EYS: variants seen among roughly 807,000 people sequenced by gnomAD.
EYS encodes the protein protein eyes shut homolog.
EYS carries 250 observed loss-of-function variants against 282.1 expected under a neutral mutation model. The ratio of observed to expected loss-of-function variants is 0.89; its 90% CI spans 0.80 to 0.98. EYS has a LOEUF of 0.98. EYS is among the 50% of genes least tolerant of loss of function. The pLI is 0.00. For missense variants in EYS, 4,016 were observed against 3,709.0 expected (o/e 1.08, Z -2.15); for synonymous variants, 1,355 against 1,282.9 (o/e 1.06, Z -1.20).
At chr6:64,152,917 C>A (rs1774790312) in intron 31 of EYS, among the ~76,000 whole-genome samples, 1 of 152,052 alleles carries the variant, frequency 6.6e-6, no homozygotes, top group Admixed American at 6.6e-5. Flanking sequence ...GGAGATGAGG[C>A]AAAAACAGTG....
rs185728940 is a variant in EYS at position 64,924,884 on chromosome 6, T to C, written c.2382-12141A>G. ...GCCATTCAACAAGACTCTAGGAAGT[T>C]CAAAACGTTCCCACATTTTCCTGTC... is the stretch of plus-strand genomic sequence containing the variant. On this transcript the variant is annotated intron_variant, in intron 15 of 42. Transcript: ENST00000503581. 1.3e-3 allele frequency among the ~76,000 whole-genome samples: 196 copies of C among 152,280 alleles called. 2 individuals are homozygous for C. Among genetic ancestry groups the C allele is most frequent in the African/African-American group, 4.5e-3 (189 of 41,564 alleles).
chr6:64,324,876 G>GA (rs1285506611), intron 29 of EYS, among the ~76,000 whole-genome samples: 1 of 152,008 alleles, frequency 6.6e-6, no homozygotes, highest in Non-Finnish European at 1.5e-5. Context: ...TAACCACAAA[G>GA]AAAATGAAAT....
intron 2 of EYS, among the ~76,000 whole-genome samples, chr6:65,511,984 C>CAAAA (rs11368301): frequency 1.1e-5 from 1 of 94,828 alleles, no homozygotes. Flanking sequence ...AACTCTGTCT[C>CAAAA]AAAAAAAAAA....
chr6:64,302,758 T>G (rs2150373465), intron 30 of EYS, among the ~76,000 whole-genome samples: 1 of 152,212 alleles, frequency 6.6e-6, no homozygotes, highest in Admixed American at 6.5e-5. Context: ...TTTTTAAAAT[T>G]TAGATAAATT....
intron 2 of EYS, among the ~76,000 whole-genome samples, chr6:65,535,530 G>A (rs911234343): frequency 6.6e-6 from 1 of 152,140 alleles, no homozygotes; most frequent in Non-Finnish European, 1.5e-5. Flanking sequence ...ATGTGGAAGT[G>A]TGAGTCCTTT....
chr6:65,097,985 TTAAC>T (rs572024197), intron 12 of EYS, among the ~76,000 whole-genome samples: 50 of 150,904 alleles, frequency 3.3e-4, no homozygotes, highest in African/African-American at 1.2e-3. Context: ...CTGTGTGATG[TTAAC>T]TAACACAAGC....
chr6:65,016,421 G>A (rs927019451), intron 13 of EYS, among the ~76,000 whole-genome samples: 1 of 152,170 alleles, frequency 6.6e-6, no homozygotes, highest in Non-Finnish European at 1.5e-5. Context: ...CTTCATATGA[G>A]TCTAGTAGCT....
intron 36 of EYS, among the ~76,000 whole-genome samples, chr6:63,838,466 A>G (rs1422933740): frequency 1.3e-5 from 2 of 152,144 alleles, no homozygotes; most frequent in Admixed American, 6.6e-5. Context: ...TTCTCCAGAG[A>G]CAGTCGGCAT....
chr6:64,193,250 A>G (rs1200007561), intron 31 of EYS, among the ~76,000 whole-genome samples: 7 of 152,148 alleles, frequency 4.6e-5, no homozygotes, highest in Non-Finnish European at 1.5e-5. Context: ...TTCCAATTCA[A>G]TAACTTGACT....
intron 29 of EYS, among the ~76,000 whole-genome samples, chr6:64,340,132 G>A (rs1006722785): frequency 1.3e-5 from 2 of 150,984 alleles, no homozygotes; most frequent in African/African-American, 4.9e-5. Context: ...CAGCCCTGTA[G>A]AAGTATATGA....
intron 12 of EYS, among the ~76,000 whole-genome samples, chr6:65,216,495 AG>A (rs1369550927): frequency 6.6e-6 from 1 of 151,972 alleles, no homozygotes; most frequent in East Asian, 1.9e-4. Flanking sequence ...ATAAGGTAAA[AG>A]TAAATAATAT....
rs1009814853 is a variant in EYS at position 65,334,955 on chromosome 6, A to G, written c.1766+25T>C. ...TTATAACTTTTTGATATGTGATATT[A>G]TCTGCTCAAATGATACATAAATACC... On this transcript the variant is annotated intron_variant, in intron 11 of 42. Transcript: ENST00000503581. 4 of 1,591,208 alleles carry G rather than the reference A, an allele frequency of 2.5e-6. No homozygotes were observed. The African/African-American group carries it at 5.4e-5, about 21-fold the overall frequency.
intron 35 of EYS, among the ~76,000 whole-genome samples, chr6:63,953,491 A>C (rs1366142061): frequency 1.3e-5 from 2 of 152,124 alleles, no homozygotes; most frequent in Non-Finnish European, 2.9e-5. Flanking sequence ...ATTCTTCATA[A>C]AAACAAATGT....
rs1048051070 is a variant in EYS at position 64,301,554 on chromosome 6, T to C, written c.6191+5416A>G. 3.3e-5 allele frequency among the ~76,000 whole-genome samples: 5 copies of C among 152,226 alleles called. No homozygotes were observed. In the South Asian group the frequency reaches 1.0e-3, roughly 32 times the overall value. On this transcript the variant is annotated intron_variant, in intron 30 of 42. Transcript: ENST00000503581. The stretch of plus-strand genomic sequence containing the variant: ...TTTCCCTATAATCAGTAAAGTCATA[T>C]ATTCAGGCTTCAGACAATGCAATCA...
At chr6:65,677,737 C>A in intron 1 of EYS, among the ~76,000 whole-genome samples, 1 of 151,884 alleles carries the variant, frequency 6.6e-6, no homozygotes, top group Non-Finnish European at 1.5e-5. Flanking sequence ...CAAAGGACCC[C>A]CAATAGCCAG....
chr6:65,079,181 G>A (rs774866112), intron 12 of EYS, among the ~76,000 whole-genome samples: 24 of 152,028 alleles, frequency 1.6e-4, no homozygotes, highest in Non-Finnish European at 3.1e-4. Context: ...AATTGATCTC[G>A]ATATCAAGAA....
At chr6:63,825,478 C>T (rs1026528371) in intron 36 of EYS, among the ~76,000 whole-genome samples, 2 of 152,232 alleles carry the variant, frequency 1.3e-5, no homozygotes, top group Non-Finnish European at 2.9e-5. Context: ...GCTAAGGACC[C>T]TCACAGAGTC....
chr6:65,513,149 A>G (rs1050034564), intron 2 of EYS, among the ~76,000 whole-genome samples: 1 of 152,242 alleles, frequency 6.6e-6, no homozygotes, highest in African/African-American at 2.4e-5. Flanking sequence ...CCATCAGAGA[A>G]TACTACAAAC....
intron 12 of EYS, among the ~76,000 whole-genome samples, chr6:65,178,790 A>G (rs1452310108): frequency 1.3e-5 from 2 of 152,078 alleles, no homozygotes; most frequent in Admixed American, 6.6e-5. Context: ...ACCTATTCCA[A>G]AATTGACCGT....
Sources: gnomAD v4.1 joint callset for allele counts (sites outside exome capture counted in the v4.1 genomes callset) on GRCh38, gnomAD v4.1.1 for gene constraint, MANE v1.5 for transcripts, NCBI Gene and HGNC (gene_info 2026-07-23, HGNC 2026-07-21) for gene names.